The following SAT1 variants were observed in gnomAD, a reference collection of about 807,000 sequenced individuals.
SAT1 encodes spermidine/spermine N1-acetyltransferase 1.
Under a neutral mutation model 14.7 loss-of-function variants are expected in SAT1, and 1 was observed. The observed-to-expected ratio is 0.07, with a 90% CI of 0.02 to 0.32. The LOEUF (loss-of-function observed/expected upper bound fraction) is 0.32. Ranked by LOEUF, SAT1 falls within the 10% of genes least tolerant of loss-of-function variation. The pLI is 1.00. For synonymous variants in SAT1, 67 were observed against 46.1 expected (o/e 1.45, Z -1.84); for missense variants, 77 against 129.1 (o/e 0.60, Z 1.96).
At chrX:23,783,577 C>CCCCAAAACAAAA in intron 1 of SAT1, 81 bp from the exon 2 acceptor site, 1 of 750,210 alleles carries the variant, frequency 1.3e-6, no homozygotes, top group Non-Finnish European at 1.9e-6. Flanking sequence ...GCCCGCCCGC[C>CCCCAAAACAAAA]CCATTCCGTT....
At chrX:23,785,044 G>A (rs1922666343) in intron 3 of SAT1, 1 of 348,521 alleles carries the variant, frequency 2.9e-6, no homozygotes, top group Non-Finnish European at 5.0e-6. Flanking sequence ...CGCTTCCTGA[G>A]TGTGAGCTCC....
chrX:23,785,939 AAAT>A lies in SAT1; in HGVS notation c.*88_*90del, dbSNP rs765781283. 4.8e-6 allele frequency: 4 copies of A among 840,380 alleles called. No homozygotes were observed. The highest frequency in any genetic ancestry group is 4.9e-6 in the Non-Finnish European group (3 of 611,435). 69.3% of individuals were successfully genotyped at this position (840,380 alleles called of 1,213,427 possible). Reference sequence around the variant, plus strand: ...CTTGCTTTCTATGCTGTTTGTAGTGAAATAATAGAATGAGCACCCATTCCAAAG... The same window carrying A: ...CTTGCTTTCTATGCTGTTTGTAGTGAAATAGAATGAGCACCCATTCCAAAG... On this transcript the variant is annotated 3_prime_UTR_variant, in exon 6 of 6. Transcript: ENST00000379270.
At chrX:23,785,296 TCTC>T in intron 3 of SAT1, 29 bp from the exon 4 acceptor site, 1 of 1,062,192 alleles carries the variant, frequency 9.4e-7, no homozygotes, top group Non-Finnish European at 1.3e-6. Flanking sequence ...ATGTTTTCCT[TCTC>T]CACATCTCAT....
rs1922570067 is a variant in SAT1, at chrX:23,783,322, C to T, written c.-30C>T. The T allele has an allele frequency of 1.7e-6, 2 of 1,198,827 alleles. No individual in the cohort carries two copies. The highest frequency in any genetic ancestry group is 5.9e-5 in the East Asian group (2 of 33,791). On this transcript the variant is annotated 5_prime_UTR_variant, in exon 1 of 6. Coordinates refer to ENST00000379270, the MANE Select transcript of SAT1 (RefSeq NM_002970.4). ...TACTGTTCAAGTACAGGGGCCTGGT[C>T]CGCAAAGGGAAGAAAAGCAAAAGAC...
In SAT1 at chrX:23,783,178, G is replaced by C. The variant is rs1380649983; in HGVS notation, c.-174G>C. 15 of 472,257 alleles carry C rather than the reference G, an allele frequency of 3.2e-5. No homozygotes were observed. The highest frequency in any genetic ancestry group is 5.3e-5 in the Non-Finnish European group (14 of 262,256). The allele number at this position is 472,257 out of a possible 1,213,427, so 38.9% of individuals were successfully genotyped here. Reference sequence around the variant, plus strand: ...AGCCGGGCCAATGTTCAAATGCGCAGCTCTTAGTCGCGGGCCGACTGGTGT... The same window carrying C: ...AGCCGGGCCAATGTTCAAATGCGCACCTCTTAGTCGCGGGCCGACTGGTGT... On this transcript the variant is annotated 5_prime_UTR_variant, in exon 1 of 6. Transcript: ENST00000379270.
In SAT1 at chrX:23,786,179, A is replaced by G. The variant is rs1160992338; in HGVS notation, c.*323A>G. On this transcript the variant is annotated 3_prime_UTR_variant, in exon 6 of 6. Transcript: ENST00000379270. ...CACTGGTACTTAGAGTTTCTGTTTG[A>G]TTCTTTTTTAATAAACTACTCTTTG... is the stretch of plus-strand genomic sequence containing the variant. The G allele has an allele frequency of 6.5e-6, 1 of 154,040 alleles. No homozygotes were observed. The highest frequency in any genetic ancestry group is 1.2e-5 in the Non-Finnish European group (1 of 81,051). 12.7% of individuals were successfully genotyped at this position (154,040 alleles called of 1,213,427 possible). A position where few individuals can be genotyped will look rare whatever the true frequency, so the allele number is the denominator to read the frequency against.
intron 3 of SAT1, chrX:23,784,745 C>T (rs1468834102): frequency 9.0e-6 from 1 of 110,919 alleles, no homozygotes; most frequent in East Asian, 2.8e-4. Context: ...TACGTAATAC[C>T]TGTTTCTGGG....
In SAT1 at chrX:23,786,010, G is replaced by C. The variant is rs1221773798; in HGVS notation, c.*154G>C. On this transcript the variant is annotated 3_prime_UTR_variant, in exon 6 of 6. Transcript: ENST00000379270. The stretch of plus-strand genomic sequence containing the variant: ...TTGTTGCATGTTTGAAATGAGGTCT[G>C]TTTAAAGTGGCAATCTCAGATGCAG... 2.5e-5 allele frequency: 11 copies of C among 435,138 alleles called. No homozygotes were observed. Among genetic ancestry groups the C allele is most frequent in the African/African-American group, 5.0e-5 (2 of 39,723 alleles). The allele number at this position is 435,138 out of a possible 1,213,427, so 35.9% of individuals were successfully genotyped here. A position where few individuals can be genotyped will look rare whatever the true frequency, so the allele number is the denominator to read the frequency against.
Position 23,783,785 on chromosome X carries a change from T to TC in SAT1, c.119-10dup, listed in dbSNP as rs1569213701. The TC allele has an allele frequency of 8.3e-7, 1 of 1,209,558 alleles. No homozygotes were observed. Among genetic ancestry groups the TC allele is most frequent in the Non-Finnish European group, 1.1e-6 (1 of 894,843 alleles). On this transcript the variant is annotated splice_polypyrimidine_tract_variant and intron_variant, in intron 2 of 5. Coordinates refer to ENST00000379270, the MANE Select transcript of SAT1 (RefSeq NM_002970.4). ...TCGCCAAGGCCATTACCGCCCCTGC[T>TC]CCCCCTTCTTGCAGATCTGCTAGAA...
chrX:23,784,179 T>C (rs1922628925), intron 3 of SAT1: 3 of 920,912 alleles, frequency 3.3e-6, no homozygotes, highest in East Asian at 3.9e-5. Context: ...GAGTTAGATA[T>C]AATGTCATTT....
intron 1 of SAT1, 47 bp from the exon 2 acceptor site, chrX:23,783,611 C>G (rs776868417): frequency 1.0e-6 from 1 of 982,766 alleles, no homozygotes; most frequent in Non-Finnish European, 1.4e-6. Context: ...CGGGCCGGAG[C>G]CTCATTTTGT....
chrX:23,784,193 G>A (rs1214989586), intron 3 of SAT1: 1 of 893,326 alleles, frequency 1.1e-6, no homozygotes, highest in Non-Finnish European at 1.4e-6. Flanking sequence ...GTCATTTGTT[G>A]TAATTCAGTT....
rs1182953190 is a variant in SAT1, at chrX:23,785,875, A to G, written c.*19A>G. The G allele has an allele frequency of 1.8e-6, 2 of 1,142,443 alleles. No individual in the cohort carries two copies. Among genetic ancestry groups the G allele is most frequent in the Non-Finnish European group, 2.3e-6 (2 of 853,478 alleles). The allele number at this position is 1,142,443 out of a possible 1,213,427, so 94.2% of individuals were successfully genotyped here. A position where few individuals can be genotyped will look rare whatever the true frequency, so the allele number is the denominator to read the frequency against. On this transcript the variant is annotated 3_prime_UTR_variant, in exon 6 of 6. Transcript: ENST00000379270. Reference sequence around the variant, plus strand: ...GGAGTGAGGAGTGCTGCTGTAGATGACAACCTCCATTCTATTTTAGAATAA... The same window carrying G: ...GGAGTGAGGAGTGCTGCTGTAGATGGCAACCTCCATTCTATTTTAGAATAA...
chrX:23,783,199 G>C lies in SAT1; in HGVS notation c.-153G>C, dbSNP rs1233922941. ...CGCAGCTCTTAGTCGCGGGCCGACT[G>C]GTGTTTATCCGTCACTCGCCGAGGT... On this transcript the variant is annotated 5_prime_UTR_variant, in exon 1 of 6. Transcript: ENST00000379270. 20 of 507,029 alleles carry C rather than the reference G, an allele frequency of 3.9e-5. No individual in the cohort carries two copies. In the Admixed American group the frequency reaches 5.5e-4, roughly 14 times the overall value. The allele number at this position is 507,029 out of a possible 1,213,427, so 41.8% of individuals were successfully genotyped here.
chrX:23,784,744 C>T (rs1922654444), intron 3 of SAT1: 1 of 110,652 alleles, frequency 9.0e-6, no homozygotes, highest in South Asian at 3.8e-4. Flanking sequence ...TTACGTAATA[C>T]CTGTTTCTGG....
rs749355547 is a variant in SAT1, at chrX:23,783,559, G to C, written c.67-99G>C. 1,629 of 764,162 alleles carry C rather than the reference G, an allele frequency of 2.1e-3. 2 individuals are homozygous for C. Among genetic ancestry groups the C allele is most frequent in the Non-Finnish European group, 2.8e-3 (1,469 of 530,971 alleles). 63.0% of individuals were successfully genotyped at this position (764,162 alleles called of 1,213,427 possible). A position where few individuals can be genotyped will look rare whatever the true frequency, so the allele number is the denominator to read the frequency against. On this transcript the variant is annotated intron_variant, in intron 1 of 5. Transcript: ENST00000379270. ...TTCTGCGCCCATCCCCGGCTCGGCCGCCACCCCGCCCGCCCGCCCCATTCC... is the reference window on the plus strand; with the variant it reads ...TTCTGCGCCCATCCCCGGCTCGGCCCCCACCCCGCCCGCCCGCCCCATTCC...
Position 23,784,077 on chromosome X carries a change from A to G in SAT1, c.202+194A>G, listed in dbSNP as rs779830922. On this transcript the variant is annotated intron_variant, in intron 3 of 5. Transcript: ENST00000379270. ...GCACTTAAGAATACTAGGGCAGGTT[A>G]AAAGAGCTGTTTAAGTAAGTATCAG... 5.4e-6 allele frequency: 6 copies of G among 1,106,468 alleles called. No individual in the cohort carries two copies. The African/African-American group carries it at 1.1e-4, about 21-fold the overall frequency. The allele number at this position is 1,106,468 out of a possible 1,213,427, so 91.2% of individuals were successfully genotyped here.
At chrX:23,783,915 G>A (rs1241936271) in intron 3 of SAT1, 32 bp downstream of exon 3, 2 of 1,211,741 alleles carry the variant, frequency 1.7e-6, no homozygotes, top group Non-Finnish European at 2.2e-6. Flanking sequence ...AAGCCAGAGA[G>A]ACCAAGTGTT....
At chrX:23,784,131 G>A in intron 3 of SAT1, 1 of 1,063,288 alleles carries the variant, frequency 9.4e-7, no homozygotes, top group East Asian at 3.4e-5. Context: ...AAGTGTTTAA[G>A]CTGCTTAAGT....
Sources: allele counts gnomAD v4.1 joint callset, GRCh38; gene constraint gnomAD v4.1.1; transcripts MANE v1.5; gene names NCBI Gene and HGNC (gene_info 2026-07-23, HGNC 2026-07-21).